Variants in KLRG1 observed in about 807,000 individuals in gnomAD.
KLRG1 encodes the protein killer cell lectin-like receptor subfamily G member 1.
KLRG1 carries 16 observed loss-of-function variants against 21.8 expected under a neutral mutation model. The observed-to-expected ratio is 0.73, with a 90% CI of 0.50 to 1.11. The LOEUF is 1.11. KLRG1 is among the 50% of genes most tolerant of loss of function. The pLI is 0.00. For synonymous variants in KLRG1, 69 were observed against 75.9 expected (o/e 0.91, Z 0.47); for missense variants, 173 against 218.3 (o/e 0.79, Z 1.31).
the KLRG1 span, among the ~76,000 whole-genome samples, chr12:9,093,790 G>A: frequency 1.3e-4 from 20 of 149,100 alleles, no homozygotes; most frequent in South Asian, 1.2e-3. Flanking sequence ...GCCGGGCGCG[G>A]TGGCTCATGC....
At chr12:9,164,670 G>A in the KLRG1 span, among the ~76,000 whole-genome samples, 2 of 152,152 alleles carry the variant, frequency 1.3e-5, no homozygotes, top group Non-Finnish European at 2.9e-5. Context: ...GTAGATGAGA[G>A]GCTCCCGATC....
chr12:9,052,892 T>G, the KLRG1 span: 5 of 432,700 alleles, frequency 1.2e-5, no homozygotes, highest in African/African-American at 1.0e-4. Flanking sequence ...ATACTCAGTA[T>G]TGCCTTTTAA....
the KLRG1 span, among the ~76,000 whole-genome samples, chr12:9,111,049 T>A: frequency 6.6e-6 from 1 of 152,300 alleles, no homozygotes; most frequent in African/African-American, 2.4e-5. Context: ...ATAGAATTCT[T>A]ACGTAGTTCT....
the KLRG1 span, chr12:9,157,897 T>G: frequency 1.2e-4 from 169 of 1,412,888 alleles, no homozygotes; most frequent in Non-Finnish European, 1.5e-4. Flanking sequence ...GTATATTCTC[T>G]TCTGTTGTTT....
chr12:9,024,138 C>T, the KLRG1 span, among the ~76,000 whole-genome samples: 1 of 147,200 alleles, frequency 6.8e-6, no homozygotes, highest in African/African-American at 2.5e-5. Flanking sequence ...AGTGATTCTC[C>T]TGCCTTATCC....
intron 3 of KLRG1, among the ~76,000 whole-genome samples, chr12:8,995,979 T>TC (rs1385210323): frequency 6.6e-6 from 1 of 152,004 alleles, no homozygotes; most frequent in Non-Finnish European, 1.5e-5. Flanking sequence ...ACCGTGCCAG[T>TC]CCTTATATAG....
At chr12:9,103,139 T>A in the KLRG1 span, among the ~76,000 whole-genome samples, 1 of 152,166 alleles carries the variant, frequency 6.6e-6, no homozygotes, top group Admixed American at 6.5e-5. Context: ...TTGGAGTATA[T>A]ATATTTAAAA....
the KLRG1 span, among the ~76,000 whole-genome samples, chr12:9,069,578 G>A: frequency 6.6e-6 from 1 of 152,042 alleles, no homozygotes; most frequent in Non-Finnish European, 1.5e-5. Flanking sequence ...TGTAATCCCT[G>A]GTGAAATATA....
intron 4 of KLRG1, 22 bp downstream of exon 4, chr12:9,009,097 C>CA (rs750923824): frequency 5.8e-6 from 9 of 1,545,212 alleles, no homozygotes; most frequent in South Asian, 3.5e-5. Context: ...CAAAGGAATG[C>CA]AAAAAAAGAG....
chr12:9,086,662 T>C, the KLRG1 span, among the ~76,000 whole-genome samples: 3 of 152,232 alleles, frequency 2.0e-5, no homozygotes, highest in Admixed American at 6.5e-5. Flanking sequence ...AGGGCATGTA[T>C]GATAAACCTA....
At chr12:9,083,728 T>C in the KLRG1 span, among the ~76,000 whole-genome samples, 2 of 136,996 alleles carry the variant, frequency 1.5e-5, no homozygotes, top group Non-Finnish European at 3.2e-5. Flanking sequence ...TTTAAAGCAA[T>C]AATGAAAAAA....
chr12:9,087,376 A>T, the KLRG1 span, among the ~76,000 whole-genome samples: 3 of 152,194 alleles, frequency 2.0e-5, no homozygotes, highest in Non-Finnish European at 4.4e-5. Flanking sequence ...TTAAATCTGG[A>T]GGAGATTATG....
At chr12:8,995,772 T>C (rs1193201766) in intron 3 of KLRG1, among the ~76,000 whole-genome samples, 1 of 151,160 alleles carries the variant, frequency 6.6e-6, no homozygotes, top group Non-Finnish European at 1.5e-5. Context: ...AACCTCCGCC[T>C]CCCAGGTTCA....
chr12:9,149,826 A>C, the KLRG1 span, among the ~76,000 whole-genome samples: 4 of 152,210 alleles, frequency 2.6e-5, no homozygotes, highest in African/African-American at 9.7e-5. Context: ...CAGCTGTTCA[A>C]ATTTTAAATT....
chr12:9,089,188 G>A, the KLRG1 span: 1 of 1,567,292 alleles, frequency 6.4e-7, no homozygotes, highest in Non-Finnish European at 8.7e-7. Flanking sequence ...AATTATGATG[G>A]TTGACTCTTA....
At chr12:9,181,201 T>A in the KLRG1 span, 1 of 1,596,046 alleles carries the variant, frequency 6.3e-7, no homozygotes. Flanking sequence ...CACCTGCATT[T>A]CCTAAGCCAC....
the KLRG1 span, among the ~76,000 whole-genome samples, chr12:9,122,299 A>G: frequency 2.0e-5 from 3 of 152,202 alleles, no homozygotes; most frequent in Non-Finnish European, 4.4e-5. Context: ...GTGGGTTTGC[A>G]CAAGGTTGGT....
At chr12:9,067,562 C>T in the KLRG1 span, 1 of 535,504 alleles carries the variant, frequency 1.9e-6, no homozygotes, top group Admixed American at 2.8e-5. Flanking sequence ...TTACATGAAG[C>T]CTACTCAGAC....
Position 8,992,271 on chromosome 12 carries a change from C to A in KLRG1, c.148C>A (p.Leu50Ile). ...AIALGLLTAV[L>I]LSVLLYQWIL... ...AGCTTTGGGGCTTCTGACTGCAGTT[C>A]TTCTGAGTGTGCTGCTATACCAGTG... Residue 50 changes from leucine (L) to isoleucine (I), a missense_variant, in exon 2 of 5, where the codon CTT becomes ATT. Physicochemically the swap from Leu to Ile is conservative, Grantham distance 5. Transcript: ENST00000356986. 1 of 1,613,896 alleles carries A rather than the reference C, an allele frequency of 6.2e-7. No homozygotes were observed. The highest frequency in any genetic ancestry group is 1.1e-5 in the South Asian group (1 of 91,040).
Sources: gnomAD v4.1 joint callset for allele counts (sites outside exome capture counted in the v4.1 genomes callset) on GRCh38, gnomAD v4.1.1 for gene constraint, MANE v1.5 for transcripts, NCBI Gene and HGNC (gene_info 2026-07-23, HGNC 2026-07-21) for gene names.